Variants in PIGZ observed in about 807,000 individuals in gnomAD.
PIGZ encodes phosphatidylinositol glycan anchor biosynthesis class Z (Gwada blood group).
In PIGZ, 16 loss-of-function variants were observed where a neutral mutation model predicts 16.4. The observed-to-expected ratio is 0.97, with a 90% CI of 0.66 to 1.48. The LOEUF (loss-of-function observed/expected upper bound fraction) is 1.48, where lower values mean the gene tolerates loss of function less well. Ranked by LOEUF, PIGZ falls within the 40% of genes most tolerant of loss-of-function variation. The pLI is 0.00. For synonymous variants in PIGZ, 409 were observed against 338.4 expected, an observed-to-expected ratio of 1.21 and a Z score of -2.29; for missense variants, 770 against 739.2, an observed-to-expected ratio of 1.04 and a Z score of -0.48.
chr3:196,959,458 C>T (rs1717623129), intron 1 of PIGZ, among the ~76,000 whole-genome samples: 1 of 152,212 alleles, frequency 6.6e-6, no homozygotes, highest in South Asian at 2.1e-4. Flanking sequence ...TGAGCATCCC[C>T]TCCCACCAGC....
chr3:196,962,641 T>TGGCAATACTGATCTTTACTGCAC (rs373508537), intron 1 of PIGZ, among the ~76,000 whole-genome samples: 43 of 152,092 alleles, frequency 2.8e-4, no homozygotes, highest in Admixed American at 8.5e-4. Context: ...GACATGCTGG[T>TGGCAATACTGATCTTTACTGCAC]GGCAATACTG....
rs1716980571 is a variant in PIGZ at position 196,947,876 on chromosome 3, G to C, written c.1021C>G (p.Leu341Val). 1 of 1,613,856 alleles carries C rather than the reference G, an allele frequency of 6.2e-7. No homozygotes were observed. Among genetic ancestry groups the C allele is most frequent in the Non-Finnish European group, 8.5e-7 (1 of 1,179,888 alleles). The change falls in exon 3 of 3, where the codon CTG becomes GTG. Residue 341 changes from leucine (L) to valine (V), a missense_variant. Physicochemically the swap from Leu to Val is conservative, Grantham distance 32. Transcript: ENST00000412723. ...AQALQAAWQR[L>V]QVGLQASAQM... ...GCAGAGGCCTGGAGGCCGACTTGCAGCCGTTGCCACGCAGCCTGCAGGGCC... is the reference window on the plus strand; with the variant it reads ...GCAGAGGCCTGGAGGCCGACTTGCACCCGTTGCCACGCAGCCTGCAGGGCC...
At chr3:196,952,940 G>C (rs578184959) in intron 1 of PIGZ, among the ~76,000 whole-genome samples, 1 of 152,152 alleles carries the variant, frequency 6.6e-6, no homozygotes, top group Admixed American at 6.5e-5. Context: ...TCTCACACCA[G>C]TGTGCCCCAA....
At position 196,948,290 on chromosome 3, in the gene PIGZ, T is replaced by C; in HGVS notation, c.607A>G (p.Lys203Glu). The C allele has an allele frequency of 1.9e-6, 3 of 1,614,098 alleles. No individual in the cohort carries two copies. Among genetic ancestry groups the C allele is most frequent in the East Asian group, 4.5e-5 (2 of 44,872 alleles). The change falls in exon 3 of 3, where the codon AAG becomes GAG. Residue 203 changes from lysine (K) to glutamate (E), a missense_variant. Physicochemically the swap from Lys to Glu is moderately conservative, Grantham distance 56 (BLOSUM62 1). Transcript: ENST00000412723. ...CACCGTGGACCCGGCGCCGGCTCCT[T>C]GCGTGTAGGGCCCCACGTTACATGG... ...SSHVTWGPTR[K>E]EPAPGPRWRS...
intron 1 of PIGZ, among the ~76,000 whole-genome samples, chr3:196,962,418 G>A (rs1326152421): frequency 1.3e-5 from 2 of 152,138 alleles, no homozygotes; most frequent in African/African-American, 2.4e-5. Context: ...ATGTGGCCTC[G>A]TTGGAAGGGA....
chr3:196,947,850 T>C lies in PIGZ; in HGVS notation c.1047A>G (p.Ala349=). 6.2e-7 allele frequency: 1 copy of C among 1,613,458 alleles called. No individual in the cohort carries two copies. Among genetic ancestry groups the C allele is most frequent in the Non-Finnish European group, 8.5e-7 (1 of 1,179,586 alleles). The change falls in exon 3 of 3, where the codon GCA becomes GCG. Residue 349 remains alanine (A), a synonymous_variant. Transcript: ENST00000412723. ...QRLQVGLQAS[A]QMGLLRALGA... ...CCAGTGCCCTCAGGAGGCCCATTTGTGCAGAGGCCTGGAGGCCGACTTGCA... is the reference window on the plus strand; with the variant it reads ...CCAGTGCCCTCAGGAGGCCCATTTGCGCAGAGGCCTGGAGGCCGACTTGCA...
chr3:196,967,780 A>G (rs1417327818), intron 1 of PIGZ, among the ~76,000 whole-genome samples: 1 of 152,192 alleles, frequency 6.6e-6, no homozygotes, highest in Non-Finnish European at 1.5e-5. Flanking sequence ...TTCGCTTCAC[A>G]GAGAACGCAA....
At chr3:196,968,283 G>C (rs1718015683) in intron 1 of PIGZ, among the ~76,000 whole-genome samples, 1 of 152,182 alleles carries the variant, frequency 6.6e-6, no homozygotes, top group Non-Finnish European at 1.5e-5. Context: ...CTCTTGCCCT[G>C]TTGCTGTTTC....
chr3:196,963,094 T>A (rs1049438224), intron 1 of PIGZ, among the ~76,000 whole-genome samples: 1 of 152,266 alleles, frequency 6.6e-6, no homozygotes, highest in Admixed American at 6.5e-5. Flanking sequence ...CTTAGCAGAA[T>A]GTTTTCGTGG....
At chr3:196,964,700 CCTTAT>C (rs570051817) in intron 1 of PIGZ, among the ~76,000 whole-genome samples, 2 of 152,220 alleles carry the variant, frequency 1.3e-5, no homozygotes, top group African/African-American at 2.4e-5. Context: ...AGGCTTTGTA[CCTTAT>C]CTTATTTAAT....
In PIGZ at chr3:196,947,858, C is replaced by T. The variant is rs1175887161; in HGVS notation, c.1039G>A (p.Ala347Thr). The T allele has an allele frequency of 6.2e-7, 1 of 1,613,812 alleles. No homozygotes were observed. The highest frequency in any genetic ancestry group is 8.5e-7 in the Non-Finnish European group (1 of 1,179,782). The change falls in exon 3 of 3, where the codon GCC becomes ACC. Residue 347 changes from alanine to threonine, a missense_variant. Coordinates refer to ENST00000412723, the MANE Select transcript of PIGZ (RefSeq NM_025163.4). ...CTCAGGAGGCCCATTTGTGCAGAGG[C>T]CTGGAGGCCGACTTGCAGCCGTTGC... ...AWQRLQVGLQASAQMGLLRAL... is the reference protein window; with the variant it reads ...AWQRLQVGLQTSAQMGLLRAL...
chr3:196,951,025 C>T (rs1424215176), intron 2 of PIGZ, among the ~76,000 whole-genome samples: 5 of 152,202 alleles, frequency 3.3e-5, no homozygotes, highest in African/African-American at 9.7e-5. Context: ...GGATTACAGG[C>T]GTGAGCCACT....
chr3:196,951,583 A>AT (rs1252562263), intron 2 of PIGZ: 1 of 572,372 alleles, frequency 1.7e-6, no homozygotes, highest in Non-Finnish European at 3.1e-6. Context: ...CCAAGCAGGG[A>AT]TACATCAAAG....
rs371247312 is a variant in PIGZ, at chr3:196,948,178, A to G, written c.719T>C (p.Leu240Pro). Residue 240 changes from leucine to proline, a missense_variant, in exon 3 of 3, where the codon CTC (leucine) becomes CCC (proline). By Grantham distance (98) the Leu-to-Pro change is moderately conservative. Transcript: ENST00000412723. ...GTTTGTGGCTCCACGAGTGCCCCAG[A>G]GGTAGAGGGGGACCACAGCAAAGGC... ...FLAFAVVPLY[L>P]WGTRGATNPG... is the part of the protein sequence containing the mutation. The G allele has an allele frequency of 1.4e-5, 23 of 1,613,796 alleles. No individual in the cohort carries two copies. In the African/African-American group the frequency reaches 3.1e-4, roughly 22 times the overall value.
chr3:196,951,042 G>A (rs1032370656), intron 2 of PIGZ, among the ~76,000 whole-genome samples: 1 of 152,192 alleles, frequency 6.6e-6, no homozygotes, highest in African/African-American at 2.4e-5. Flanking sequence ...CACTGCATCT[G>A]ACTCCTTTGA....
In PIGZ at chr3:196,948,498, G is replaced by A; in HGVS notation, c.399C>T (p.Leu133=). ...CGTCCAGAGCAAAGGAAAGGGCAGTGAGGAGGAGTCGAGGCCCCACCAGCA... is the reference window on the plus strand; with the variant it reads ...CGTCCAGAGCAAAGGAAAGGGCAGTAAGGAGGAGTCGAGGCCCCACCAGCA... The part of the protein sequence containing the change: ...YALLVGPRLL[L]TALSFALDGA... The change falls in exon 3 of 3, where the codon CTC becomes CTT. Residue 133 remains leucine, a synonymous_variant. Transcript: ENST00000412723. 1 of 1,613,358 alleles carries A rather than the reference G, an allele frequency of 6.2e-7. No individual in the cohort carries two copies. Among genetic ancestry groups the A allele is most frequent in the East Asian group, 2.2e-5 (1 of 44,852 alleles).
chr3:196,948,913 C>T lies in PIGZ; in HGVS notation c.212-228G>A, dbSNP rs1465633737. On this transcript the variant is annotated intron_variant, in intron 2 of 2. Transcript: ENST00000412723. ...CCCCTTCCTTCCCTTCCCCTCCCCT[C>T]CCTTCCCTTCCTTCCCTTTACTTCC... Among the ~76,000 whole-genome samples the T allele has an allele frequency of 1.7e-3, 82 of 47,670 alleles. 15 individuals carry two copies. Among genetic ancestry groups the T allele is most frequent in the African/African-American group, 8.6e-3 (76 of 8,788 alleles). 31.3% of individuals were successfully genotyped at this position (47,670 alleles called of 152,430 possible). A position where few individuals can be genotyped will look rare whatever the true frequency, so the allele number is the denominator to read the frequency against.
chr3:196,956,367 G>A (rs947836053), intron 1 of PIGZ, among the ~76,000 whole-genome samples: 5 of 152,174 alleles, frequency 3.3e-5, no homozygotes, highest in East Asian at 1.9e-4. Context: ...GGCAAAAAGC[G>A]AATGAGAAGC....
intron 1 of PIGZ, among the ~76,000 whole-genome samples, chr3:196,956,709 C>G (rs1024973598): frequency 2.6e-5 from 4 of 152,202 alleles, no homozygotes; most frequent in African/African-American, 9.6e-5. Context: ...TTCCATGTCT[C>G]TAATCATCCT....
Sources: gnomAD v4.1 joint callset for allele counts (sites outside exome capture counted in the v4.1 genomes callset) on GRCh38, gnomAD v4.1.1 for gene constraint, MANE v1.5 for transcripts, NCBI Gene and HGNC (gene_info 2026-07-23, HGNC 2026-07-21) for gene names.